CTNNA2: variants seen among roughly 807,000 people sequenced by gnomAD.
CTNNA2 encodes the protein catenin alpha-2.
CTNNA2 carries 42 observed loss-of-function variants against 101.0 expected under a neutral mutation model. The ratio of observed to expected loss-of-function variants is 0.42; its 90% CI spans 0.32 to 0.54. CTNNA2 has a LOEUF of 0.54. Among genes scored for constraint, CTNNA2 ranks in the 20% least tolerant of loss-of-function variants. CTNNA2 has a pLI of 0.14. For missense variants in CTNNA2, 871 were observed against 1,223.1 expected (o/e 0.71, Z 4.29); for synonymous variants, 450 against 456.4 (o/e 0.99, Z 0.18).
At chr2:80,141,970 A>G (rs1464236484) in intron 7 of CTNNA2, among the ~76,000 whole-genome samples, 1 of 151,864 alleles carries the variant, frequency 6.6e-6, no homozygotes, top group Non-Finnish European at 1.5e-5. Flanking sequence ...TGGCACATAG[A>G]CCTCAGATAA....
At chr2:80,598,618 C>G (rs561644271) in intron 15 of CTNNA2, among the ~76,000 whole-genome samples, 11 of 152,294 alleles carry the variant, frequency 7.2e-5, no homozygotes, top group East Asian at 3.9e-4. Context: ...TAGTCCCACA[C>G]TGGAAACTAC....
At chr2:79,348,248 A>G (rs1434808840) in intron 3 of CTNNA2, among the ~76,000 whole-genome samples, 1 of 152,202 alleles carries the variant, frequency 6.6e-6, no homozygotes, top group Non-Finnish European at 1.5e-5. Flanking sequence ...TATTATTCAT[A>G]ATAATCCTAT....
intron 2 of CTNNA2, among the ~76,000 whole-genome samples, chr2:79,246,660 A>T (rs532892413): frequency 6.6e-6 from 1 of 152,368 alleles, no homozygotes; most frequent in Non-Finnish European, 1.5e-5. Flanking sequence ...TGGTTCAGGC[A>T]GGTTTACATA....
At chr2:79,670,128 C>T (rs1682728382) in intron 2 of CTNNA2, among the ~76,000 whole-genome samples, 1 of 152,192 alleles carries the variant, frequency 6.6e-6, no homozygotes, top group Admixed American at 6.5e-5. Flanking sequence ...CCTGGGAGGG[C>T]AGCCACAGCT....
intron 7 of CTNNA2, among the ~76,000 whole-genome samples, chr2:79,915,391 A>T (rs1001582358): frequency 6.6e-6 from 1 of 151,996 alleles, no homozygotes; most frequent in Non-Finnish European, 1.5e-5. Context: ...TTTGCAATCT[A>T]TTCTCTTTAC....
chr2:80,100,180 C>T (rs942215196), intron 7 of CTNNA2, among the ~76,000 whole-genome samples: 6 of 152,084 alleles, frequency 3.9e-5, no homozygotes, highest in South Asian at 4.1e-4. Flanking sequence ...GTGATCCACC[C>T]GCCTTAGCCT....
intron 1 of CTNNA2, among the ~76,000 whole-genome samples, chr2:79,533,745 G>A (rs1043231545): frequency 2.6e-5 from 4 of 152,202 alleles, no homozygotes; most frequent in African/African-American, 9.6e-5. Flanking sequence ...CTTGGGAAAC[G>A]ACTTGCTTTT....
chr2:79,672,181 T>C (rs1398604542), intron 2 of CTNNA2, among the ~76,000 whole-genome samples: 1 of 152,208 alleles, frequency 6.6e-6, no homozygotes, highest in Non-Finnish European at 1.5e-5. Context: ...ACTTGATGGT[T>C]AACAAAATCC....
intron 12 of CTNNA2, chr2:80,573,056 A>G (rs1694743126): frequency 6.6e-6 from 1 of 152,250 alleles, no homozygotes; most frequent in South Asian, 2.1e-4. Context: ...TAAAGTATCC[A>G]CAGAGGATGA....
At chr2:79,766,957 T>C (rs544974635) in intron 3 of CTNNA2, among the ~76,000 whole-genome samples, 3 of 152,114 alleles carry the variant, frequency 2.0e-5, no homozygotes, top group Admixed American at 6.5e-5. Context: ...GGTTTCACCA[T>C]GTTGGCCAGG....
intron 6 of CTNNA2, among the ~76,000 whole-genome samples, chr2:79,902,682 A>T (rs1289222560): frequency 6.7e-6 from 1 of 148,736 alleles, no homozygotes; most frequent in Non-Finnish European, 1.5e-5. Flanking sequence ...GCTGGAGTGC[A>T]GTGGTGCGAG....
At chr2:80,566,560 C>G (rs775380440) in intron 12 of CTNNA2, among the ~76,000 whole-genome samples, 2 of 152,128 alleles carry the variant, frequency 1.3e-5, no homozygotes, top group Non-Finnish European at 2.9e-5. Flanking sequence ...TATTCAAATG[C>G]TGGTATAATA....
At chr2:79,965,181 C>T (rs1329920761) in intron 7 of CTNNA2, among the ~76,000 whole-genome samples, 3 of 152,114 alleles carry the variant, frequency 2.0e-5, no homozygotes, top group Non-Finnish European at 4.4e-5. Context: ...TGTAACACAT[C>T]GTGGGAGGGC....
chr2:79,840,719 G>A (rs1194387867), intron 3 of CTNNA2, among the ~76,000 whole-genome samples: 2 of 151,526 alleles, frequency 1.3e-5, no homozygotes, highest in Admixed American at 6.6e-5. Flanking sequence ...GAGCACTTGC[G>A]GCCAGGAGTC....
intron 2 of CTNNA2, among the ~76,000 whole-genome samples, chr2:79,218,146 G>C (rs1013244519): frequency 1.3e-5 from 2 of 152,134 alleles, no homozygotes; most frequent in Admixed American, 1.3e-4. Flanking sequence ...AATTGGTAAG[G>C]CTCTGATCCC....
chr2:80,434,267 T>G (rs1681817739), intron 9 of CTNNA2, among the ~76,000 whole-genome samples: 1 of 152,202 alleles, frequency 6.6e-6, no homozygotes, highest in South Asian at 2.1e-4. Context: ...AATTTTCTAC[T>G]TATCGCTTCT....
At chr2:80,101,129 T>C (rs1211060782) in intron 7 of CTNNA2, among the ~76,000 whole-genome samples, 1 of 152,194 alleles carries the variant, frequency 6.6e-6, no homozygotes, top group African/African-American at 2.4e-5. Flanking sequence ...TTTTGAGAAA[T>C]ATCTAGTGGA....
At chr2:80,329,349 T>C (rs544166761) in intron 7 of CTNNA2, among the ~76,000 whole-genome samples, 1 of 152,326 alleles carries the variant, frequency 6.6e-6, no homozygotes, top group East Asian at 1.9e-4. Context: ...TCATATTATG[T>C]AGAAGTAAAT....
At chr2:80,351,584 C>T (rs887872932) in intron 7 of CTNNA2, among the ~76,000 whole-genome samples, 23 of 152,132 alleles carry the variant, frequency 1.5e-4, no homozygotes, top group Non-Finnish European at 8.8e-5. Context: ...AATTGTGCTG[C>T]TCGCTAACTG....
Sources: gnomAD v4.1 joint callset for allele counts (sites outside exome capture counted in the v4.1 genomes callset) on GRCh38, gnomAD v4.1.1 for gene constraint, MANE v1.5 for transcripts, NCBI Gene and HGNC (gene_info 2026-07-23, HGNC 2026-07-21) for gene names.